The following ENTREP2 variants were observed in gnomAD, a reference collection of about 807,000 sequenced individuals.
ENTREP2 encodes the protein endosomal transmembrane epsin interactor 2.
the ENTREP2 span, among the ~76,000 whole-genome samples, chr15:29,353,010 T>A: frequency 6.6e-6 from 1 of 152,194 alleles, no homozygotes; most frequent in East Asian, 1.9e-4. Context: ...AGAATTTGCA[T>A]GGGGATGACA....
chr15:29,584,251 T>C, the ENTREP2 span, among the ~76,000 whole-genome samples: 11 of 152,142 alleles, frequency 7.2e-5, no homozygotes, highest in Non-Finnish European at 1.0e-4. Flanking sequence ...AATTAAAAAG[T>C]GGGCAAAAGA....
chr15:29,409,101 G>A, the ENTREP2 span, among the ~76,000 whole-genome samples: 1 of 152,114 alleles, frequency 6.6e-6, no homozygotes, highest in Non-Finnish European at 1.5e-5. Context: ...CAATGCTTAG[G>A]AATTTGTTAT....
the ENTREP2 span, among the ~76,000 whole-genome samples, chr15:29,167,731 C>T: frequency 2.6e-5 from 4 of 152,240 alleles, no homozygotes; most frequent in African/African-American, 4.8e-5. Flanking sequence ...AATGTAAACT[C>T]GTGCAGCCAC....
chr15:29,202,314 T>A, the ENTREP2 span, among the ~76,000 whole-genome samples: 1 of 152,162 alleles, frequency 6.6e-6, no homozygotes, highest in East Asian at 1.9e-4. Context: ...TTTGGGTTGA[T>A]TATGCTGCTC....
chr15:29,346,989 C>A, the ENTREP2 span, among the ~76,000 whole-genome samples: 1 of 152,150 alleles, frequency 6.6e-6, no homozygotes, highest in Non-Finnish European at 1.5e-5. Flanking sequence ...GATTTGCTTC[C>A]AATGCGATCT....
the ENTREP2 span, among the ~76,000 whole-genome samples, chr15:29,207,394 G>A: frequency 7.1e-6 from 1 of 140,856 alleles, no homozygotes; most frequent in Non-Finnish European, 1.5e-5. Context: ...AGTTTATTAC[G>A]AAGAGCAAGA....
chr15:29,528,517 C>G, the ENTREP2 span, among the ~76,000 whole-genome samples: 1 of 152,148 alleles, frequency 6.6e-6, no homozygotes, highest in Non-Finnish European at 1.5e-5. Flanking sequence ...GGTCCACTGG[C>G]CTTGTGCCCA....
At chr15:29,581,942 G>GT in the ENTREP2 span, among the ~76,000 whole-genome samples, 1,953 of 138,846 alleles carry the variant, frequency 0.014, 42 homozygotes, top group African/African-American at 0.046. Flanking sequence ...AAATATGCTG[G>GT]TTTTTTTTTT....
chr15:29,671,212 C>G, the ENTREP2 span, among the ~76,000 whole-genome samples: 2 of 152,344 alleles, frequency 1.3e-5, no homozygotes, highest in Non-Finnish European at 2.9e-5. Flanking sequence ...GCGGACAGAA[C>G]CTCCTGGGCT....
At chr15:29,126,380 G>A in the ENTREP2 span, 2 of 1,545,752 alleles carry the variant, frequency 1.3e-6, no homozygotes, top group Non-Finnish European at 1.7e-6. Context: ...ATGGCCAGGG[G>A]GAAGGGCAGG....
the ENTREP2 span, among the ~76,000 whole-genome samples, chr15:29,281,697 C>T: frequency 6.6e-6 from 1 of 152,216 alleles, no homozygotes; most frequent in Non-Finnish European, 1.5e-5. Context: ...GTAATAACTT[C>T]CTTCGTTATT....
chr15:29,228,450 G>T, the ENTREP2 span, among the ~76,000 whole-genome samples: 2 of 152,280 alleles, frequency 1.3e-5, no homozygotes, highest in African/African-American at 4.8e-5. Flanking sequence ...GGGAAGCAGA[G>T]AAATGAAAAG....
At chr15:29,549,111 C>T in the ENTREP2 span, among the ~76,000 whole-genome samples, 1 of 152,072 alleles carries the variant, frequency 6.6e-6, no homozygotes, top group African/African-American at 2.4e-5. Flanking sequence ...TGTCTCTCTA[C>T]CTCACTTCTG....
the ENTREP2 span, among the ~76,000 whole-genome samples, chr15:29,129,513 C>T: frequency 3.5e-4 from 53 of 151,766 alleles, 1 homozygote; most frequent in South Asian, 6.9e-3. Context: ...GACAAGGTCT[C>T]GCTCCATGGC....
the ENTREP2 span, among the ~76,000 whole-genome samples, chr15:29,386,009 G>A: frequency 1.3e-5 from 2 of 151,782 alleles, no homozygotes; most frequent in Non-Finnish European, 2.9e-5. Flanking sequence ...TCCAGCCACT[G>A]GCCGGCCTGA....
chr15:29,417,052 G>A, the ENTREP2 span, among the ~76,000 whole-genome samples: 4 of 152,346 alleles, frequency 2.6e-5, no homozygotes, highest in East Asian at 7.7e-4. Context: ...TAGTGGGACT[G>A]TAAACCAGTT....
chr15:29,560,299 A>AT, the ENTREP2 span, among the ~76,000 whole-genome samples: 3 of 152,128 alleles, frequency 2.0e-5, no homozygotes, highest in African/African-American at 7.2e-5. Flanking sequence ...GATATCCTGA[A>AT]TTTTAAGTGT....
At chr15:29,123,054 G>A in the ENTREP2 span, 1 of 407,130 alleles carries the variant, frequency 2.5e-6, no homozygotes, top group South Asian at 5.0e-5. Flanking sequence ...TCAAGGTGCT[G>A]CACGCCAGAT....
At chr15:29,641,640 T>C in the ENTREP2 span, among the ~76,000 whole-genome samples, 2 of 152,004 alleles carry the variant, frequency 1.3e-5, no homozygotes, top group Non-Finnish European at 2.9e-5. Flanking sequence ...CACATCAGCC[T>C]GGCCAACATG....
Sources: allele counts gnomAD v4.1 joint callset (sites outside exome capture counted in the v4.1 genomes callset), GRCh38; gene constraint gnomAD v4.1.1; transcripts MANE v1.5; gene names NCBI Gene and HGNC (gene_info 2026-07-23, HGNC 2026-07-21).